The following FBXL20 variants were observed in gnomAD, a reference collection of about 807,000 sequenced individuals.
FBXL20 encodes the protein F-box and leucine rich repeat protein 20.
FBXL20 carries 11 observed loss-of-function variants against 64.0 expected under a neutral mutation model. The observed-to-expected ratio is 0.17, with a 90% CI of 0.11 to 0.28. The LOEUF is 0.28. FBXL20 is among the 10% of genes least tolerant of loss of function. FBXL20 has a pLI of 1.00. For synonymous variants in FBXL20, 184 were observed against 189.0 expected (o/e 0.97, Z 0.22); for missense variants, 303 against 526.2 (o/e 0.58, Z 4.15).
At chr17:39,343,855 C>T (rs2047606406) in intron 1 of FBXL20, among the ~76,000 whole-genome samples, 1 of 151,828 alleles carries the variant, frequency 6.6e-6, no homozygotes, top group Non-Finnish European at 1.5e-5. Context: ...GCCACCATGC[C>T]CGGCTAATTT....
chr17:39,301,557 G>A (rs1043668015), intron 3 of FBXL20, among the ~76,000 whole-genome samples: 10 of 152,000 alleles, frequency 6.6e-5, no homozygotes, highest in South Asian at 2.1e-4. Flanking sequence ...GTGAAACCCC[G>A]TCTCTACTAA....
chr17:39,363,704 GGGA>G (rs2047822326), intron 1 of FBXL20, among the ~76,000 whole-genome samples: 1 of 151,158 alleles, frequency 6.6e-6, no homozygotes, highest in South Asian at 2.1e-4. Flanking sequence ...CCAGCTACTT[GGGA>G]GGAAGAGGTG....
intron 6 of FBXL20, among the ~76,000 whole-genome samples, chr17:39,287,204 C>T (rs1167526201): frequency 3.3e-5 from 5 of 152,094 alleles, no homozygotes; most frequent in African/African-American, 4.8e-5. Flanking sequence ...AGCCACCACG[C>T]CCGGCCTTGG....
intron 1 of FBXL20, 97 bp downstream of exon 1, chr17:39,401,264 C>A: frequency 6.3e-7 from 1 of 1,595,162 alleles, no homozygotes; most frequent in Non-Finnish European, 8.5e-7. Flanking sequence ...TGGGTGACGG[C>A]GCCTGCCAGG....
chr17:39,312,232 C>T (rs1398263033), intron 2 of FBXL20, among the ~76,000 whole-genome samples: 1 of 151,768 alleles, frequency 6.6e-6, no homozygotes, highest in African/African-American at 2.4e-5. Context: ...CTGGCCAACA[C>T]AGTAAAACCC....
At chr17:39,363,909 A>C (rs1486351554) in intron 1 of FBXL20, among the ~76,000 whole-genome samples, 1 of 116,390 alleles carries the variant, frequency 8.6e-6, no homozygotes, top group African/African-American at 3.7e-5. Context: ...TTTTTTTTGA[A>C]GACAAAGTCC....
intron 2 of FBXL20, among the ~76,000 whole-genome samples, chr17:39,333,270 C>T (rs547114395): frequency 2.0e-5 from 3 of 152,330 alleles, no homozygotes; most frequent in South Asian, 2.1e-4. Context: ...CTCAGCCTGC[C>T]GAGTGCCTGG....
At chr17:39,307,187 C>T (rs927242832) in intron 2 of FBXL20, among the ~76,000 whole-genome samples, 2 of 152,084 alleles carry the variant, frequency 1.3e-5, no homozygotes, top group Non-Finnish European at 2.9e-5. Flanking sequence ...CTGCTATCTA[C>T]GGGCACTGTT....
intron 1 of FBXL20, among the ~76,000 whole-genome samples, chr17:39,381,868 G>C (rs1310264425): frequency 6.6e-6 from 1 of 150,588 alleles, no homozygotes; most frequent in Non-Finnish European, 1.5e-5. Flanking sequence ...AAGCCGAGGG[G>C]GGCGGATCAC....
intron 10 of FBXL20, among the ~76,000 whole-genome samples, chr17:39,271,597 C>CAAAAAA (rs11362087): frequency 2.0e-5 from 1 of 50,776 alleles, no homozygotes; most frequent in South Asian, 1.3e-3. Flanking sequence ...GGCTCCGACT[C>CAAAAAA]AAAAAAAAAA....
chr17:39,283,124 C>G (rs1221227993), intron 7 of FBXL20, among the ~76,000 whole-genome samples: 1 of 152,138 alleles, frequency 6.6e-6, no homozygotes, highest in African/African-American at 2.4e-5. Context: ...TTGTACTTAT[C>G]ACATATCTCA....
chr17:39,267,782 G>A (rs561898301), intron 12 of FBXL20, among the ~76,000 whole-genome samples: 1 of 152,154 alleles, frequency 6.6e-6, no homozygotes, highest in Non-Finnish European at 1.5e-5. Flanking sequence ...GGGGGTGGGC[G>A]AGCAGGCAGG....
chr17:39,289,580 AG>A (rs1338270911), intron 6 of FBXL20, among the ~76,000 whole-genome samples: 2 of 151,876 alleles, frequency 1.3e-5, no homozygotes, highest in African/African-American at 4.8e-5. Flanking sequence ...CAGGAGATGG[AG>A]GGTGCAGTGA....
rs191317801 is a variant in FBXL20 at position 39,377,333 on chromosome 17, T to C, written c.42+24028A>G. Among the ~76,000 whole-genome samples the C allele has an allele frequency of 1.6e-4, 24 of 152,188 alleles. No individual in the cohort carries two copies. The East Asian group carries it at 2.3e-3, about 15-fold the overall frequency. On this transcript the variant is annotated intron_variant, in intron 1 of 14. Coordinates refer to ENST00000264658, the MANE Select transcript of FBXL20 (RefSeq NM_032875.3). Reference sequence around the variant, plus strand: ...TTCATCCCTGACCAATCAGCACTCCTGGCTCACTGACTTTCCCCCACCCAC... The same window carrying C: ...TTCATCCCTGACCAATCAGCACTCCCGGCTCACTGACTTTCCCCCACCCAC...
At chr17:39,303,188 A>G (rs1015460748) in intron 3 of FBXL20, among the ~76,000 whole-genome samples, 1 of 152,112 alleles carries the variant, frequency 6.6e-6, no homozygotes, top group African/African-American at 2.4e-5. Context: ...GTTTCAATCC[A>G]TAGATAGCCA....
At chr17:39,331,449 A>G (rs926825840) in intron 2 of FBXL20, among the ~76,000 whole-genome samples, 1 of 152,120 alleles carries the variant, frequency 6.6e-6, no homozygotes, top group African/African-American at 2.4e-5. Flanking sequence ...TTTAAGTCAC[A>G]GCTCATTTGT....
At chr17:39,275,136 G>C (rs937580655) in intron 9 of FBXL20, 36 bp from the exon 10 acceptor site, 2 of 1,565,302 alleles carry the variant, frequency 1.3e-6, no homozygotes, top group African/African-American at 2.8e-5. Context: ...ATAGATATTA[G>C]TATCTTAGCA....
intron 2 of FBXL20, among the ~76,000 whole-genome samples, chr17:39,310,473 G>C (rs1335072055): frequency 6.6e-6 from 1 of 152,068 alleles, no homozygotes; most frequent in Non-Finnish European, 1.5e-5. Flanking sequence ...GTGCATTAAA[G>C]CCAGCACAGG....
At chr17:39,303,247 TAA>T (rs56985859) in intron 3 of FBXL20, among the ~76,000 whole-genome samples, 1 of 147,140 alleles carries the variant, frequency 6.8e-6, no homozygotes, top group Admixed American at 6.8e-5. Flanking sequence ...TGTCCTTGTG[TAA>T]AAAAAAAAAA....
Sources: gnomAD v4.1 joint callset for allele counts (sites outside exome capture counted in the v4.1 genomes callset) on GRCh38, gnomAD v4.1.1 for gene constraint, MANE v1.5 for transcripts, NCBI Gene and HGNC (gene_info 2026-07-23, HGNC 2026-07-21) for gene names.